The following GRM5 variants were observed in gnomAD, a reference collection of about 807,000 sequenced individuals.
GRM5 encodes the protein glutamate metabotropic receptor 5.
GRM5 carries 19 observed loss-of-function variants against 83.1 expected under a neutral mutation model. The observed-to-expected ratio is 0.23, with a 90% confidence interval of 0.16 to 0.34. The LOEUF is 0.34. GRM5 is among the 10% of genes least tolerant of loss of function. The pLI is 1.00. For missense variants in GRM5, 1,160 were observed against 1,588.3 expected (o/e 0.73, Z 4.58); for synonymous variants, 675 against 633.6 (o/e 1.07, Z -0.98).
In GRM5 at chr11:89,020,320, T is replaced by A. The variant is rs564730190; in HGVS notation, c.661+26892A>T. On this transcript the variant is annotated intron_variant, in intron 2 of 9. Transcript: ENST00000305447. Reference sequence around the variant, plus strand: ...GCAACAATCCAACATTAATAATATGTCACATCCATTTTCCACCACAGATTG... The same window carrying A: ...GCAACAATCCAACATTAATAATATGACACATCCATTTTCCACCACAGATTG... 3.3e-5 allele frequency among the ~76,000 whole-genome samples: 5 copies of A among 152,330 alleles called. No homozygotes were observed. In the South Asian group the frequency reaches 1.0e-3, roughly 32 times the overall value.
At position 88,879,660 on chromosome 11, in the gene GRM5, C is replaced by A. The variant is rs1292578680; in HGVS notation, c.662-29505G>T. The stretch of plus-strand genomic sequence containing the variant: ...CATCACCTTTCTGTATTTATATGAG[C>A]ATATTTTTCCTTGATTAATATGAAA... On this transcript the variant is annotated intron_variant, in intron 2 of 9. Coordinates refer to ENST00000305447, the MANE Select transcript of GRM5 (RefSeq NM_001143831.3). Among the ~76,000 whole-genome samples, 3 of 151,858 alleles carry A rather than the reference C, an allele frequency of 2.0e-5. 1 individual carries two copies. Among genetic ancestry groups the A allele is most frequent in the African/African-American group, 4.8e-5 (2 of 41,360 alleles).
intron 2 of GRM5, among the ~76,000 whole-genome samples, chr11:88,941,190 C>T (rs1938076710): frequency 6.6e-6 from 1 of 151,704 alleles, no homozygotes; most frequent in Non-Finnish European, 1.5e-5. Context: ...GCCTGAAGCA[C>T]CTTAATGTGC....
chr11:88,600,201 TCTC>T (rs1343697889), intron 5 of GRM5, among the ~76,000 whole-genome samples: 1 of 151,464 alleles, frequency 6.6e-6, no homozygotes, highest in East Asian at 1.9e-4. Context: ...CTCCCATTTA[TCTC>T]CTCCTCCTTC....
At chr11:88,907,055 G>A (rs1945415827) in intron 2 of GRM5, among the ~76,000 whole-genome samples, 1 of 152,004 alleles carries the variant, frequency 6.6e-6, no homozygotes, top group Non-Finnish European at 1.5e-5. Flanking sequence ...TGGCCTGGAA[G>A]CAGATACCCA....
At chr11:88,993,011 A>G (rs887943034) in intron 2 of GRM5, among the ~76,000 whole-genome samples, 2 of 150,658 alleles carry the variant, frequency 1.3e-5, no homozygotes, top group African/African-American at 2.5e-5. Context: ...AACTTAAAGT[A>G]TAATAAATAA....
intron 2 of GRM5, among the ~76,000 whole-genome samples, chr11:88,902,594 G>T (rs548675919): frequency 1.3e-5 from 2 of 152,164 alleles, no homozygotes; most frequent in African/African-American, 2.4e-5. Flanking sequence ...TTGCTCCCTG[G>T]TTTTTCTAGA....
At chr11:89,041,634 A>C (rs1941536891) in intron 2 of GRM5, among the ~76,000 whole-genome samples, 1 of 152,228 alleles carries the variant, frequency 6.6e-6, no homozygotes, top group Non-Finnish European at 1.5e-5. Flanking sequence ...GGAAGGGAAG[A>C]GGAGGGAATG....
intron 2 of GRM5, among the ~76,000 whole-genome samples, chr11:88,943,559 C>T (rs990831215): frequency 9.2e-5 from 14 of 152,112 alleles, no homozygotes; most frequent in African/African-American, 9.6e-5. Flanking sequence ...CCTAAAAATT[C>T]GCCTTCTTCT....
At chr11:88,822,968 G>A (rs949128140) in intron 3 of GRM5, among the ~76,000 whole-genome samples, 18 of 151,876 alleles carry the variant, frequency 1.2e-4, no homozygotes, top group Non-Finnish European at 2.1e-4. Context: ...ATGTTCTTCA[G>A]TTCTGAGGAT....
chr11:88,525,064 T>G (rs1230349585), intron 9 of GRM5, among the ~76,000 whole-genome samples: 1 of 152,188 alleles, frequency 6.6e-6, no homozygotes, highest in Admixed American at 6.6e-5. Flanking sequence ...GAGCTAAGGC[T>G]TCAGACATGC....
At position 89,049,299 on chromosome 11, in the gene GRM5, T is replaced by A. The variant is rs545341323; in HGVS notation, c.-200-1227A>T. ...TTAAATTCCTGGGAAGAAAGAAATT[T>A]TGTCCCAAATTTTCCATGGCAAATT... is the stretch of plus-strand genomic sequence containing the variant. On this transcript the variant is annotated intron_variant, in intron 1 of 9. Transcript: ENST00000305447. Among the ~76,000 whole-genome samples, 3 of 152,304 alleles carry A rather than the reference T, an allele frequency of 2.0e-5. No individual in the cohort carries two copies. The South Asian group carries it at 6.2e-4, about 32-fold the overall frequency.
chr11:89,014,764 G>A (rs572715242), intron 2 of GRM5, among the ~76,000 whole-genome samples: 21 of 152,178 alleles, frequency 1.4e-4, no homozygotes, highest in East Asian at 3.9e-4. Context: ...TATTGCATGC[G>A]TGTATCAAAA....
rs185077583 is a variant in GRM5, at chr11:88,881,787, T to C, written c.662-31632A>G. ...GTGAAACACAAAACAGAAAAAAAAA[T>C]CCTTATTGTTCTGTGAAAATTACAA... On this transcript the variant is annotated intron_variant, in intron 2 of 9. Transcript: ENST00000305447. 1.1e-3 allele frequency among the ~76,000 whole-genome samples: 166 copies of C among 152,196 alleles called. 1 individual carries two copies. The highest frequency in any genetic ancestry group is 3.2e-3 in the African/African-American group (135 of 41,540).
intron 2 of GRM5, among the ~76,000 whole-genome samples, chr11:88,980,611 A>C (rs769334406): frequency 1.3e-4 from 20 of 152,138 alleles, no homozygotes; most frequent in Non-Finnish European, 2.4e-4. Context: ...TCACCAGGTC[A>C]GGAGATCTAG....
At chr11:88,684,407 T>C (rs1940569073) in intron 3 of GRM5, among the ~76,000 whole-genome samples, 2 of 152,170 alleles carry the variant, frequency 1.3e-5, no homozygotes, top group South Asian at 4.1e-4. Flanking sequence ...CTAATCCAGG[T>C]AAGGGATGAA....
At chr11:88,998,663 T>C (rs1303540128) in intron 2 of GRM5, among the ~76,000 whole-genome samples, 1 of 152,220 alleles carries the variant, frequency 6.6e-6, no homozygotes, top group Non-Finnish European at 1.5e-5. Flanking sequence ...GGAGATGGCA[T>C]GGCAGTCTAA....
intron 7 of GRM5, among the ~76,000 whole-genome samples, chr11:88,572,973 G>A (rs1204893485): frequency 2.6e-5 from 4 of 152,008 alleles, no homozygotes; most frequent in African/African-American, 9.7e-5. Flanking sequence ...CATTTCTCTG[G>A]TTCTCAGAAA....
At chr11:88,967,223 G>GTATA (rs1333693704) in intron 2 of GRM5, among the ~76,000 whole-genome samples, 7 of 44,566 alleles carry the variant, frequency 1.6e-4, no homozygotes, top group Non-Finnish European at 4.8e-4. Context: ...GTATATATGT[G>GTATA]TGTGTATGTA....
chr11:88,567,543 T>C lies in GRM5; in HGVS notation c.2140A>G (p.Met714Val), dbSNP rs778739176. 7 of 1,613,950 alleles carry C rather than the reference T, an allele frequency of 4.3e-6. No homozygotes were observed. In the East Asian group the frequency reaches 6.7e-5, roughly 15 times the overall value. The change falls in exon 8 of 10, where the codon ATG (methionine) becomes GTG (valine). Residue 714 changes from methionine to valine, a missense_variant. Around this residue, in one of 9 missense-constraint regions of GRM5, gnomAD observed 44 missense variants for 41.0 expected, o/e 1.07. Coordinates refer to ENST00000305447, the MANE Select transcript of GRM5 (RefSeq NM_001143831.3). The surrounding 1 kb of genome is among the most constrained non-coding windows in gnomAD (Gnocchi z 7.3). Reference protein sequence around the residue: ...QLGIIVALFIMEPPDIMHDYP... With the variant: ...QLGIIVALFIVEPPDIMHDYP... ...TCATGCATTATGTCAGGAGGCTCCA[T>C]TATAAAGAGGGCAACGATGATGCCC...
Sources: gnomAD v4.1 joint callset for allele counts (sites outside exome capture counted in the v4.1 genomes callset) on GRCh38, gnomAD v4.1.1 for gene constraint, gnomAD v4.1.1 regional missense constraint, Gnocchi (gnomAD v3.1) non-coding constraint, MANE v1.5 for transcripts, NCBI Gene and HGNC (gene_info 2026-07-23, HGNC 2026-07-21) for gene names.